The following BEAN1 variants were observed in gnomAD, a reference collection of about 807,000 sequenced individuals.
BEAN1 encodes brain expressed associated with NEDD4 1, also known as protein BEAN1.
In BEAN1, 17 loss-of-function variants were observed where a neutral mutation model predicts 17.7. That is an observed-to-expected ratio of 0.96 (90% CI 0.66 to 1.44). The LOEUF (loss-of-function observed/expected upper bound fraction) is 1.44, where lower values mean the gene tolerates loss of function less well. Among genes scored for constraint, BEAN1 ranks in the 40% most tolerant of loss-of-function variants. The pLI, the probability that BEAN1 is intolerant of heterozygous loss-of-function variation, is 0.00. For missense variants in BEAN1, 359 were observed against 374.1 expected, an observed-to-expected ratio of 0.96 and a Z score of 0.33; for synonymous variants, 142 against 151.8, an observed-to-expected ratio of 0.94 and a Z score of 0.47.
downstream of BEAN1, chr16:66,484,825 G>A (rs1195863046): frequency 2.2e-6 from 1 of 454,014 alleles, no homozygotes; most frequent in African/African-American, 2.0e-5. This position sits in a 1 kb window ranked among gnomAD's most constrained non-coding sequence, Gnocchi z 4.2. Context: ...AGGTGGGAGA[G>A]ACGGGTTGTT....
chr16:66,480,714 C>G lies in BEAN1; in HGVS notation c.569C>G (p.Pro190Arg). 6.4e-7 allele frequency: 1 copy of G among 1,551,680 alleles called. No homozygotes were observed. The highest frequency in any genetic ancestry group is 1.4e-5 in the African/African-American group (1 of 73,182). Residue 190 changes from proline to arginine, a missense_variant, in exon 5 of 5, where the codon CCT (proline) becomes CGT (arginine). Physicochemically the swap from Pro to Arg is moderately radical, Grantham distance 103. Transcript: ENST00000536005. ...TCCGACTCAGGCAGCGGCCACAGCC[C>G]TGGCCGACACCAGCAGGAGCAGAGG... is the stretch of plus-strand genomic sequence containing the variant. ...GTSDSGSGHS[P>R]GRHQQEQRTP...
downstream of BEAN1, chr16:66,483,043 G>A (rs900675785): frequency 1.6e-5 from 6 of 378,478 alleles, no homozygotes; most frequent in African/African-American, 1.3e-4. Flanking sequence ...TTGAATTTTT[G>A]TAAACACAGG....
intron 2 of BEAN1, among the ~76,000 whole-genome samples, chr16:66,459,784 G>A (rs1963013356): frequency 6.6e-6 from 1 of 152,162 alleles, no homozygotes; most frequent in Non-Finnish European, 1.5e-5. Context: ...TCCTATAATG[G>A]AATTTGCCAG....
intron 2 of BEAN1, among the ~76,000 whole-genome samples, chr16:66,459,614 C>T (rs935850304): frequency 6.6e-6 from 1 of 152,182 alleles, no homozygotes; most frequent in Admixed American, 6.5e-5. Context: ...AGCCACTGCA[C>T]CTGTCCCAAA....
At chr16:66,442,737 C>T (rs984498844) in intron 2 of BEAN1, among the ~76,000 whole-genome samples, 4 of 152,174 alleles carry the variant, frequency 2.6e-5, no homozygotes, top group East Asian at 1.9e-4. Context: ...GTTTGGTGCT[C>T]GAAATTGACA....
chr16:66,461,569 GACACACACACACACACACACAC>G (rs34246549), intron 2 of BEAN1, among the ~76,000 whole-genome samples: 2 of 140,838 alleles, frequency 1.4e-5, no homozygotes, highest in Non-Finnish European at 3.1e-5. Context: ...GGCAGGCGCA[GACACACACACACACACACACAC>G]ACACACACAC....
Position 66,473,756 on chromosome 16 carries a change from C to T in BEAN1, c.290-3804C>T, listed in dbSNP as rs1453950235. Among the ~76,000 whole-genome samples the T allele has an allele frequency of 6.6e-6, 1 of 151,960 alleles. No individual in the cohort carries two copies. Among genetic ancestry groups the T allele is most frequent in the Non-Finnish European group, 1.5e-5 (1 of 67,974 alleles). ...TAAATAAAGAGGGAGGGGCAGTGTACCAGTGAACCCCAACCTTTGGCACTG... is the reference window on the plus strand; with the variant it reads ...TAAATAAAGAGGGAGGGGCAGTGTATCAGTGAACCCCAACCTTTGGCACTG... On this transcript the variant is annotated intron_variant, in intron 3 of 4. Transcript: ENST00000536005. The surrounding 1 kb of genome is among the most constrained non-coding windows in gnomAD (Gnocchi z 4.5).
chr16:66,469,473 C>T, intron 2 of BEAN1, 129 bp from the exon 3 acceptor site: 1 of 1,160,192 alleles, frequency 8.6e-7, no homozygotes, highest in East Asian at 2.6e-5. Flanking sequence ...AGGATAGAGT[C>T]CGTGGGCCTG....
intron 2 of BEAN1, among the ~76,000 whole-genome samples, chr16:66,467,335 C>T (rs2142426639): frequency 6.6e-6 from 1 of 152,310 alleles, no homozygotes; most frequent in African/African-American, 2.4e-5. Context: ...GTTTAATTGA[C>T]TCACGGTTCC....
At chr16:66,482,849 T>C (rs1964027838), downstream of BEAN1, 1 of 455,902 alleles carries the variant, frequency 2.2e-6, no homozygotes, top group Non-Finnish European at 4.4e-6. Context: ...TGCATAAGGT[T>C]CCTTTTTTTC....
chr16:66,488,564 T>TG lies in BEAN1; in HGVS notation c.148-4394dup, dbSNP rs570156935. ...AACTGTTTTAATTAGCCAGATGCTA[T>TG]GGGGTGTGCCTGTAGTCCCAGCTAC... On this transcript the variant is annotated intron_variant, in intron 4 of 4. Coordinates refer to the BEAN1 transcript ENST00000561796. Among the ~76,000 whole-genome samples the TG allele has an allele frequency of 1.4e-4, 21 of 145,144 alleles. No individual in the cohort carries two copies. The South Asian group carries it at 4.5e-3, about 31-fold the overall frequency.
chr16:66,430,787 G>A (rs1390346416), intron 1 of BEAN1, among the ~76,000 whole-genome samples: 2 of 152,130 alleles, frequency 1.3e-5, no homozygotes, highest in African/African-American at 4.8e-5. Flanking sequence ...TCAATATAAT[G>A]TGAGCACTGC....
chr16:66,464,017 T>A (rs905375694), intron 2 of BEAN1, among the ~76,000 whole-genome samples: 4 of 152,230 alleles, frequency 2.6e-5, no homozygotes, highest in African/African-American at 9.6e-5. Flanking sequence ...CCACACTATC[T>A]TGATCATAGT....
At chr16:66,474,881 G>A (rs752399859) in intron 3 of BEAN1, among the ~76,000 whole-genome samples, 5 of 152,182 alleles carry the variant, frequency 3.3e-5, no homozygotes, top group Non-Finnish European at 5.9e-5. Flanking sequence ...TTTAGAGCAA[G>A]TGACTTCACT....
intron 2 of BEAN1, among the ~76,000 whole-genome samples, chr16:66,464,246 G>C (rs1047279756): frequency 6.6e-6 from 1 of 152,120 alleles, no homozygotes; most frequent in African/African-American, 2.4e-5. Flanking sequence ...ACAATATTTA[G>C]TCTTCTGAAA....
chr16:66,487,086 G>A (rs1482618068), downstream of BEAN1, among the ~76,000 whole-genome samples: 2 of 152,154 alleles, frequency 1.3e-5, no homozygotes, highest in African/African-American at 4.8e-5. Context: ...CAGCTGCAGG[G>A]AGCCAGCTGA....
At chr16:66,437,371 C>G (rs73592633) in intron 1 of BEAN1, among the ~76,000 whole-genome samples, 1 of 152,102 alleles carries the variant, frequency 6.6e-6, no homozygotes, top group African/African-American at 2.4e-5. Flanking sequence ...CACCACCCCC[C>G]ACCACTGGGA....
intron 1 of BEAN1, among the ~76,000 whole-genome samples, chr16:66,430,625 G>A (rs959215450): frequency 4.6e-5 from 7 of 152,130 alleles, no homozygotes; most frequent in South Asian, 2.1e-4. Context: ...AGACACCTTC[G>A]TATTTTGTTT....
chr16:66,492,441 CGTTTTTTT>C (rs1567515151), intron 4 of BEAN1, among the ~76,000 whole-genome samples: 2 of 151,744 alleles, frequency 1.3e-5, no homozygotes, highest in Non-Finnish European at 2.9e-5. Flanking sequence ...TCTCTTTTTG[CGTTTTTTT>C]GTTTTTTTGA....
Sources: gnomAD v4.1 joint callset for allele counts (sites outside exome capture counted in the v4.1 genomes callset) on GRCh38, gnomAD v4.1.1 for gene constraint, Gnocchi (gnomAD v3.1) non-coding constraint, MANE v1.5 for transcripts, NCBI Gene and HGNC (gene_info 2026-07-23, HGNC 2026-07-21) for gene names.